MARK2: variants seen among roughly 807,000 people sequenced by gnomAD.
MARK2 encodes the protein serine/threonine-protein kinase MARK2.
Under a neutral mutation model 89.8 loss-of-function variants are expected in MARK2, and 16 were observed. The ratio of observed to expected loss-of-function variants is 0.18; its 90% confidence interval spans 0.12 to 0.27. The LOEUF is 0.27. Among genes scored for constraint, MARK2 ranks in the 10% least tolerant of loss-of-function variants. The pLI, the probability that MARK2 is intolerant of heterozygous loss-of-function variation, is 1.00. For synonymous variants in MARK2, 382 were observed against 399.5 expected, an observed-to-expected ratio of 0.96 and a Z score of 0.52; for missense variants, 621 against 1,049.9, an observed-to-expected ratio of 0.59 and a Z score of 5.65.
chr11:63,855,591 AT>A (rs2016801011), intron 1 of MARK2, among the ~76,000 whole-genome samples: 2 of 152,178 alleles, frequency 1.3e-5, no homozygotes, highest in Non-Finnish European at 2.9e-5. Flanking sequence ...CCTTGATAAA[AT>A]TTCAGGTTCC....
chr11:63,876,274 C>T (rs1262119929), intron 1 of MARK2, among the ~76,000 whole-genome samples: 1 of 152,180 alleles, frequency 6.6e-6, no homozygotes, highest in East Asian at 1.9e-4. Context: ...GAGAAAACAT[C>T]CATCTCCTTT....
In MARK2 at chr11:63,899,993, C is replaced by T; in HGVS notation, c.651C>T (p.Ala217=). The part of the protein sequence containing the change: ...DTFCGSPPYA[A]PELFQGKKYD... ...TCTGTGGCAGTCCCCCTTATGCTGC[C>T]CCAGAACTCTTCCAGGGCAAAAAAT... Residue 217 remains alanine, a synonymous_variant, in exon 8 of 19, where the codon GCC becomes GCT. Coordinates refer to ENST00000402010, the MANE Select transcript of MARK2 (RefSeq NM_001039469.3). The T allele has an allele frequency of 1.9e-6, 3 of 1,614,108 alleles. No homozygotes were observed. The highest frequency in any genetic ancestry group is 1.1e-5 in the South Asian group (1 of 91,084).
In MARK2 at chr11:63,909,406, G is replaced by T; in HGVS notation, c.*169G>T. ...TTTCTCTTACATGTTTGTGGGGGGT[G>T]GGAGATTGTTCTCCAGCACCCCACA... On this transcript the variant is annotated 3_prime_UTR_variant, in exon 19 of 19. Coordinates refer to ENST00000402010, the MANE Select transcript of MARK2 (RefSeq NM_001039469.3). The T allele has an allele frequency of 6.0e-6, 4 of 663,418 alleles. No individual in the cohort carries two copies. The highest frequency in any genetic ancestry group is 3.1e-5 in the East Asian group (1 of 32,264). The allele number at this position is 663,418 out of a possible 1,614,324, so 41.1% of individuals were successfully genotyped here.
intron 1 of MARK2, among the ~76,000 whole-genome samples, chr11:63,887,023 T>C (rs1051678039): frequency 6.6e-6 from 1 of 152,172 alleles, no homozygotes; most frequent in African/African-American, 2.4e-5. Flanking sequence ...TTTGGGGGGC[T>C]GGGAAAAGGA....
rs1281266044 is a variant in MARK2, at chr11:63,902,413, C to CT, written c.1234+84dup. The CT allele has an allele frequency of 6.4e-7, 1 of 1,569,544 alleles. No homozygotes were observed. The highest frequency in any genetic ancestry group is 1.7e-5 in the Admixed American group (1 of 59,060). ...TTCTGTGGGGACTTGGGTAACACAA[C>CT]TAAGTTTCAGTCCTGGTTCAGCCAC... On this transcript the variant is annotated intron_variant, in intron 12 of 18. Transcript: ENST00000402010. This position sits in a 1 kb window ranked among gnomAD's most constrained non-coding sequence, Gnocchi z 4.2.
intron 1 of MARK2, among the ~76,000 whole-genome samples, chr11:63,877,800 G>A (rs1159612781): frequency 6.6e-6 from 1 of 152,188 alleles, no homozygotes; most frequent in Non-Finnish European, 1.5e-5. Flanking sequence ...AGGGCCCCTT[G>A]GAGCAAAATT....
intron 1 of MARK2, among the ~76,000 whole-genome samples, chr11:63,841,908 G>A (rs569746401): frequency 2.0e-5 from 3 of 152,164 alleles, no homozygotes; most frequent in Non-Finnish European, 2.9e-5. Context: ...GAATTCCACC[G>A]TAGTGTGCAT....
chr11:63,858,065 C>T (rs2016955617), intron 1 of MARK2, among the ~76,000 whole-genome samples: 1 of 151,888 alleles, frequency 6.6e-6, no homozygotes, highest in South Asian at 2.1e-4. Context: ...TTTGCTTTGT[C>T]ACCCAGGGTG....
At chr11:63,889,172 G>T (rs966730191) in intron 1 of MARK2, among the ~76,000 whole-genome samples, 1 of 152,136 alleles carries the variant, frequency 6.6e-6, no homozygotes, top group African/African-American at 2.4e-5. Context: ...CTGAGAACAA[G>T]CAGCTTGACA....
chr11:63,883,620 C>T (rs1323217202), intron 1 of MARK2, among the ~76,000 whole-genome samples: 1 of 152,058 alleles, frequency 6.6e-6, no homozygotes, highest in African/African-American at 2.4e-5. Flanking sequence ...TACTCTGTCA[C>T]CCAGGCTGGA....
intron 17 of MARK2, among the ~76,000 whole-genome samples, chr11:63,907,482 T>G (rs889872991): frequency 6.6e-6 from 1 of 152,202 alleles, no homozygotes. Context: ...ATCCCCAGTT[T>G]CCTAGCTCCA....
At chr11:63,881,849 G>A (rs1939107786) in intron 1 of MARK2, among the ~76,000 whole-genome samples, 1 of 152,148 alleles carries the variant, frequency 6.6e-6, no homozygotes, top group Non-Finnish European at 1.5e-5. Context: ...CCAACTATTC[G>A]AGAGGCTGAA....
chr11:63,870,728 G>A lies in MARK2; in HGVS notation c.55-24431G>A, dbSNP rs1400671682. On this transcript the variant is annotated intron_variant, in intron 1 of 18. Coordinates refer to ENST00000402010, the MANE Select transcript of MARK2 (RefSeq NM_001039469.3). ...GAAGGCCCGAGCTGGGAAATGTCCG[G>A]AGAGACCCTGTGAAGTGATGCAGGG... is the stretch of plus-strand genomic sequence containing the variant. Among the ~76,000 whole-genome samples, 3 of 152,380 alleles carry A rather than the reference G, an allele frequency of 2.0e-5. No homozygotes were observed. In the East Asian group the frequency reaches 5.8e-4, roughly 29 times the overall value.
chr11:63,894,979 G>A (rs1252938584), intron 1 of MARK2, among the ~76,000 whole-genome samples, 180 bp from the exon 2 acceptor site: 2 of 152,144 alleles, frequency 1.3e-5, no homozygotes, highest in Admixed American at 6.5e-5. Flanking sequence ...TGCTTCTCTG[G>A]AGTGAAGACT....
At chr11:63,876,108 T>C (rs1262413440) in intron 1 of MARK2, among the ~76,000 whole-genome samples, 1 of 152,112 alleles carries the variant, frequency 6.6e-6, no homozygotes, top group Non-Finnish European at 1.5e-5. Flanking sequence ...GTGGAAGGGA[T>C]AAAATGGTTG....
Position 63,902,532 on chromosome 11 carries a change from G to A in MARK2, c.1235-69G>A. On this transcript the variant is annotated intron_variant, in intron 12 of 18. Coordinates refer to ENST00000402010, the MANE Select transcript of MARK2 (RefSeq NM_001039469.3). The surrounding 1 kb of genome is among the most constrained non-coding windows in gnomAD (Gnocchi z 4.2). ...GTTGTTGGCCAGCCCTGTAGGAAAT[G>A]AGCATGCGTGGGGCTGGCACTCAGT... is the stretch of plus-strand genomic sequence containing the variant. 1 of 1,482,020 alleles carries A rather than the reference G, an allele frequency of 6.7e-7. No homozygotes were observed. Among genetic ancestry groups the A allele is most frequent in the South Asian group, 1.2e-5 (1 of 81,996 alleles). 91.8% of individuals were successfully genotyped at this position (1,482,020 alleles called of 1,614,324 possible). A position where few individuals can be genotyped will look rare whatever the true frequency, so the allele number is the denominator to read the frequency against.
At chr11:63,887,432 C>T (rs1386763040) in intron 1 of MARK2, among the ~76,000 whole-genome samples, 1 of 152,228 alleles carries the variant, frequency 6.6e-6, no homozygotes, top group African/African-American at 2.4e-5. Context: ...AGTGTAAGCG[C>T]TGGACATACA....
intron 1 of MARK2, among the ~76,000 whole-genome samples, chr11:63,881,538 ACATGGGT>A (rs1939091366): frequency 6.6e-6 from 1 of 152,184 alleles, no homozygotes; most frequent in Admixed American, 6.5e-5. Context: ...AAGTATTGTA[ACATGGGT>A]CAGCTAGGTG....
intron 1 of MARK2, among the ~76,000 whole-genome samples, chr11:63,868,274 C>T (rs1276822243): frequency 6.6e-6 from 1 of 151,956 alleles, no homozygotes; most frequent in African/African-American, 2.4e-5. Context: ...GGCCTGTAGT[C>T]CCAGCTCCTT....
Sources: allele counts gnomAD v4.1 joint callset (sites outside exome capture counted in the v4.1 genomes callset), GRCh38; gene constraint gnomAD v4.1.1; non-coding constraint Gnocchi (gnomAD v3.1); transcripts MANE v1.5; gene names NCBI Gene and HGNC (gene_info 2026-07-23, HGNC 2026-07-21).